The following AGBL1 variants were observed in gnomAD, a reference collection of about 807,000 sequenced individuals.
The protein encoded by AGBL1 is cytosolic carboxypeptidase 4.
A neutral mutation model predicts 118.9 loss-of-function variants in AGBL1; 130 were observed. The observed-to-expected ratio is 1.09, with a 90% CI of 0.95 to 1.26. AGBL1 has a LOEUF of 1.26. AGBL1 is among the 50% of genes most tolerant of loss of function. The probability of loss-of-function intolerance (pLI) is 0.00; values close to 1 mark genes in which losing one functional copy is unlikely to be tolerated. For missense variants in AGBL1, 1,584 were observed against 1,298.1 expected (o/e 1.22, Z -3.38); for synonymous variants, 555 against 478.9 (o/e 1.16, Z -2.08).
At chr15:86,324,764 G>A (rs375638554) in intron 17 of AGBL1, among the ~76,000 whole-genome samples, 2 of 152,298 alleles carry the variant, frequency 1.3e-5, no homozygotes, top group East Asian at 3.9e-4. Context: ...GAACAGGATG[G>A]CCTCTTTGAA....
intron 22 of AGBL1, among the ~76,000 whole-genome samples, chr15:86,692,835 A>AT (rs2086195918): frequency 6.6e-6 from 1 of 152,032 alleles, no homozygotes; most frequent in Admixed American, 6.6e-5. Context: ...CTGAGCTTCC[A>AT]CTTATGAGTG....
chr15:86,141,460 G>A (rs2076962224), intron 1 of AGBL1, among the ~76,000 whole-genome samples: 1 of 152,146 alleles, frequency 6.6e-6, no homozygotes, highest in African/African-American at 2.4e-5. Context: ...GACCATCCTA[G>A]CTAACACAGT....
At chr15:86,539,868 T>C (rs1181309243) in intron 19 of AGBL1, among the ~76,000 whole-genome samples, 1 of 152,184 alleles carries the variant, frequency 6.6e-6, no homozygotes, top group East Asian at 1.9e-4. Flanking sequence ...GAACGCTGCT[T>C]ATCTCTACTT....
At chr15:86,491,133 T>G (rs2082772221) in intron 18 of AGBL1, among the ~76,000 whole-genome samples, 1 of 151,848 alleles carries the variant, frequency 6.6e-6, no homozygotes. Context: ...TGTGGGATTC[T>G]ATGTGAGTTT....
At position 86,560,976 on chromosome 15, in the gene AGBL1, T is replaced by G. The variant is rs751840388; in HGVS notation, c.2994+6439T>G. Among the ~76,000 whole-genome samples, 77 of 152,378 alleles carry G rather than the reference T, an allele frequency of 5.1e-4. 1 individual carries two copies. Among genetic ancestry groups the G allele is most frequent in the Non-Finnish European group, 8.5e-4 (58 of 68,030 alleles). ...TCTGTTCATATCATTTGCCCACTTT[T>G]TGATGTGGTTGTTTTTTTCTTGTAA... is the stretch of plus-strand genomic sequence containing the variant. On this transcript the variant is annotated intron_variant, in intron 21 of 22. Transcript: ENST00000614907.
chr15:86,787,979 C>T (rs2078438499), intron 22 of AGBL1, among the ~76,000 whole-genome samples: 1 of 152,088 alleles, frequency 6.6e-6, no homozygotes, highest in South Asian at 2.1e-4. Flanking sequence ...AACTGTGGTG[C>T]ATCTTTTTGA....
chr15:86,156,794 C>CTTTTTTTTT (rs773611214), intron 4 of AGBL1, among the ~76,000 whole-genome samples: 2 of 105,562 alleles, frequency 1.9e-5, no homozygotes, highest in Non-Finnish European at 2.0e-5. Flanking sequence ...TCTTTTCTTT[C>CTTTTTTTTT]TTTTTTTTTT....
chr15:86,762,584 G>A lies in AGBL1; in HGVS notation c.3158+88148G>A, dbSNP rs372002986. 2.5e-4 allele frequency among the ~76,000 whole-genome samples: 38 copies of A among 152,078 alleles called. No individual in the cohort carries two copies. The East Asian group carries it at 4.1e-3, about 16-fold the overall frequency. On this transcript the variant is annotated intron_variant, in intron 22 of 22. Coordinates refer to ENST00000614907, the MANE Select transcript of AGBL1 (RefSeq NM_001386094.1). ...TTACTATAAAGCTCTGAGGGAAGAAGCCCTGACTGGTAGGCTCTCAACCAC... is the reference window on the plus strand; with the variant it reads ...TTACTATAAAGCTCTGAGGGAAGAAACCCTGACTGGTAGGCTCTCAACCAC...
chr15:86,195,433 T>C (rs1257429674), intron 5 of AGBL1, among the ~76,000 whole-genome samples: 2 of 152,180 alleles, frequency 1.3e-5, no homozygotes, highest in Non-Finnish European at 2.9e-5. Flanking sequence ...TGGTAGTTTT[T>C]ATTGCATTTA....
intron 18 of AGBL1, among the ~76,000 whole-genome samples, chr15:86,465,481 C>G (rs767216782): frequency 1.3e-5 from 2 of 152,240 alleles, no homozygotes; most frequent in South Asian, 4.1e-4. Flanking sequence ...TGACTGCCTG[C>G]GGGGCCGGGA....
At chr15:86,874,657 G>A (rs1437042578) in intron 22 of AGBL1, among the ~76,000 whole-genome samples, 1 of 152,134 alleles carries the variant, frequency 6.6e-6, no homozygotes, top group East Asian at 1.9e-4. Context: ...ACAGGAGGAA[G>A]AAGAAATGGG....
chr15:86,855,470 C>G (rs2079464919), intron 22 of AGBL1, among the ~76,000 whole-genome samples: 1 of 152,108 alleles, frequency 6.6e-6, no homozygotes, highest in Non-Finnish European at 1.5e-5. Context: ...TCTCACTGTC[C>G]CAGTAGATCT....
chr15:86,540,950 G>A (rs1274988513), intron 19 of AGBL1, among the ~76,000 whole-genome samples: 2 of 152,158 alleles, frequency 1.3e-5, no homozygotes, highest in Non-Finnish European at 2.9e-5. Context: ...GAGTCTGTAA[G>A]GATCAGGGAA....
chr15:86,556,338 G>A (rs942144500), intron 21 of AGBL1: 9 of 1,457,470 alleles, frequency 6.2e-6, no homozygotes, highest in Non-Finnish European at 8.6e-6. Flanking sequence ...TTTGCATTGG[G>A]TCACTAGAAG....
chr15:86,925,674 T>A (rs1185127315), intron 23 of AGBL1, among the ~76,000 whole-genome samples: 1 of 151,582 alleles, frequency 6.6e-6, no homozygotes, highest in African/African-American at 2.4e-5. Flanking sequence ...GAGTTTTTCT[T>A]CTTTTCTTCT....
chr15:86,862,494 C>A (rs1012367056), intron 22 of AGBL1, among the ~76,000 whole-genome samples: 7 of 152,078 alleles, frequency 4.6e-5, no homozygotes, highest in African/African-American at 9.7e-5. Flanking sequence ...CCGAGGCGGG[C>A]GGATCGCCTG....
chr15:86,986,499 AATATACATCTTAT>A (rs1282583638), intron 23 of AGBL1, among the ~76,000 whole-genome samples: 5 of 152,130 alleles, frequency 3.3e-5, no homozygotes, highest in Non-Finnish European at 7.3e-5. Context: ...CTTTTCATAT[AATATACATCTTAT>A]AATCAGCTTA....
At chr15:86,256,283 G>A (rs966604564) in intron 7 of AGBL1, among the ~76,000 whole-genome samples, 3 of 152,166 alleles carry the variant, frequency 2.0e-5, no homozygotes, top group Non-Finnish European at 4.4e-5. Flanking sequence ...GGTACCAAGA[G>A]GGATCAACAC....
chr15:86,785,561 T>A (rs547493568), intron 22 of AGBL1, among the ~76,000 whole-genome samples: 1 of 151,730 alleles, frequency 6.6e-6, no homozygotes, highest in East Asian at 1.9e-4. Flanking sequence ...AGAGACGGGG[T>A]TTCACCATAT....
Sources: allele counts gnomAD v4.1 joint callset (sites outside exome capture counted in the v4.1 genomes callset), GRCh38; gene constraint gnomAD v4.1.1; transcripts MANE v1.5; gene names NCBI Gene and HGNC (gene_info 2026-07-23, HGNC 2026-07-21).